SLC5A8: variants seen among roughly 807,000 people sequenced by gnomAD.
SLC5A8 encodes the protein solute carrier family 5 member 8, also known as sodium-coupled monocarboxylate transporter 1.
SLC5A8 carries 55 observed loss-of-function variants against 71.9 expected under a neutral mutation model. That is an observed-to-expected ratio of 0.77 (90% CI 0.62 to 0.96). The LOEUF is 0.96. Ranked by LOEUF, SLC5A8 falls within the 40% of genes least tolerant of loss-of-function variation. The probability of loss-of-function intolerance (pLI) is 0.00; values close to 1 mark genes in which losing one functional copy is unlikely to be tolerated. For synonymous variants in SLC5A8, 307 were observed against 276.1 expected (o/e 1.11, Z -1.11); for missense variants, 701 against 745.3 (o/e 0.94, Z 0.69).
chr12:101,162,827 A>G (rs530524521), intron 12 of SLC5A8, among the ~76,000 whole-genome samples: 26 of 152,326 alleles, frequency 1.7e-4, no homozygotes, highest in African/African-American at 6.0e-4. Flanking sequence ...ATTTTTTAAA[A>G]ATAAAGTAGA....
At chr12:101,205,664 A>G (rs1199633156) in intron 1 of SLC5A8, among the ~76,000 whole-genome samples, 2 of 152,146 alleles carry the variant, frequency 1.3e-5, no homozygotes, top group Non-Finnish European at 2.9e-5. Context: ...TGCTGTGTGC[A>G]TGGTCCTCCC....
intron 2 of SLC5A8, among the ~76,000 whole-genome samples, chr12:101,202,429 A>T (rs1273955481): frequency 1.3e-5 from 2 of 152,108 alleles, no homozygotes; most frequent in East Asian, 3.8e-4. Flanking sequence ...AGTTACAAAT[A>T]TTTTTTTGTG....
At chr12:101,158,415 T>C in intron 13 of SLC5A8, 87 bp from the exon 14 acceptor site, 1 of 833,220 alleles carries the variant, frequency 1.2e-6, no homozygotes, top group Non-Finnish European at 1.9e-6. Context: ...GCATTTAACT[T>C]GTTCACGTTC....
chr12:101,183,311 C>T lies in SLC5A8; in HGVS notation c.1053-396G>A, dbSNP rs1868455431. Among the ~76,000 whole-genome samples the T allele has an allele frequency of 1.3e-5, 2 of 152,226 alleles. 1 individual carries two copies. Among genetic ancestry groups the T allele is most frequent in the Admixed American group, 1.3e-4 (2 of 15,294 alleles). On this transcript the variant is annotated intron_variant, in intron 8 of 14. Transcript: ENST00000536262. ...CCACCCGCCTTGACCTCCCAAAGTG[C>T]TGGGATTACAGGCGTGAGCCACTAC... is the stretch of plus-strand genomic sequence containing the variant.
intron 3 of SLC5A8, among the ~76,000 whole-genome samples, chr12:101,198,172 G>A (rs1869274657): frequency 6.6e-6 from 1 of 151,842 alleles, no homozygotes; most frequent in South Asian, 2.1e-4. Flanking sequence ...AGATAAAGCA[G>A]TGTTTCAAAA....
chr12:101,180,989 A>C (rs1004692108), intron 9 of SLC5A8, among the ~76,000 whole-genome samples: 2 of 152,158 alleles, frequency 1.3e-5, no homozygotes, highest in Non-Finnish European at 2.9e-5. Context: ...AATATCATGC[A>C]AAAAAACCCC....
chr12:101,175,945 C>T (rs2051875927), intron 10 of SLC5A8, among the ~76,000 whole-genome samples: 1 of 151,898 alleles, frequency 6.6e-6, no homozygotes, highest in African/African-American at 2.4e-5. Context: ...AAACAAAAAA[C>T]AGAAATACCA....
At chr12:101,194,962 A>G (rs1869099940) in intron 4 of SLC5A8, 133 bp downstream of exon 4, 2 of 756,460 alleles carry the variant, frequency 2.6e-6, no homozygotes, top group Admixed American at 2.9e-5. Context: ...TCACACAAAA[A>G]AAGTTACACT....
At chr12:101,173,906 G>A (rs1393298462) in intron 10 of SLC5A8, among the ~76,000 whole-genome samples, 1 of 152,128 alleles carries the variant, frequency 6.6e-6, no homozygotes, top group African/African-American at 2.4e-5. Flanking sequence ...CTTCAAGCCG[G>A]GGCATCCTCC....
intron 9 of SLC5A8, 32 bp from the exon 10 acceptor site, chr12:101,180,128 T>C: frequency 6.2e-7 from 1 of 1,603,054 alleles, no homozygotes; most frequent in Non-Finnish European, 8.5e-7. Flanking sequence ...CAGTGTAAAA[T>C]CCACACCCAG....
chr12:101,187,048 T>C (rs1168802600), intron 7 of SLC5A8, among the ~76,000 whole-genome samples: 1 of 152,182 alleles, frequency 6.6e-6, no homozygotes, highest in East Asian at 1.9e-4. Flanking sequence ...CAAAATGTTC[T>C]ATAGTACAAT....
chr12:101,177,046 A>T (rs2137137570), intron 10 of SLC5A8, among the ~76,000 whole-genome samples: 1 of 152,204 alleles, frequency 6.6e-6, no homozygotes, highest in South Asian at 2.1e-4. Context: ...AAAAAATAAG[A>T]TACAAATTAC....
intron 10 of SLC5A8, among the ~76,000 whole-genome samples, chr12:101,178,822 TA>T (rs3084371): frequency 0.025 from 3,735 of 146,884 alleles, 156 homozygotes; most frequent in African/African-American, 0.086. Flanking sequence ...TTATCCAAAC[TA>T]AAAAAAAAAA....
intron 13 of SLC5A8, among the ~76,000 whole-genome samples, chr12:101,158,610 A>ATATATATATG (rs2051696510): frequency 1.2e-5 from 1 of 85,476 alleles, no homozygotes; most frequent in African/African-American, 5.1e-5. Context: ...ATATATATAT[A>ATATATATATG]TATATATATA....
At chr12:101,208,569 G>A (rs7962305) in intron 1 of SLC5A8, among the ~76,000 whole-genome samples, 38,712 of 150,348 alleles carry the variant, frequency 0.26, 5,370 homozygotes, top group East Asian at 0.56. Flanking sequence ...TAAACTAAAC[G>A]TGCATCATCT....
At chr12:101,169,845 C>A (rs781262595) in intron 10 of SLC5A8, among the ~76,000 whole-genome samples, 1 of 152,160 alleles carries the variant, frequency 6.6e-6, no homozygotes, top group Non-Finnish European at 1.5e-5. Context: ...TCTTCCCCAC[C>A]TTCATGAATT....
intron 6 of SLC5A8, among the ~76,000 whole-genome samples, chr12:101,188,463 A>C (rs1868757626): frequency 6.6e-6 from 1 of 152,084 alleles, no homozygotes; most frequent in Non-Finnish European, 1.5e-5. Flanking sequence ...CTTCTTCCCA[A>C]CCCCCGCAGG....
intron 3 of SLC5A8, among the ~76,000 whole-genome samples, chr12:101,195,842 A>G (rs1483526187): frequency 6.6e-6 from 1 of 151,600 alleles, no homozygotes; most frequent in Non-Finnish European, 1.5e-5. Flanking sequence ...GACTACAGGC[A>G]CGCAGCACCA....
intron 10 of SLC5A8, among the ~76,000 whole-genome samples, chr12:101,169,377 A>G (rs1332944148): frequency 2.0e-5 from 3 of 152,244 alleles, no homozygotes; most frequent in African/African-American, 7.2e-5. Context: ...ATCAACCACA[A>G]TAAGAGCTCC....
Sources: allele counts gnomAD v4.1 joint callset (sites outside exome capture counted in the v4.1 genomes callset), GRCh38; gene constraint gnomAD v4.1.1; transcripts MANE v1.5; gene names NCBI Gene and HGNC (gene_info 2026-07-23, HGNC 2026-07-21).